The following GSE1 variants were observed in gnomAD, a reference collection of about 807,000 sequenced individuals.
GSE1 encodes the protein genetic suppressor element 1.
In GSE1, 32 loss-of-function variants were observed where a neutral mutation model predicts 112.6. The ratio of observed to expected loss-of-function variants is 0.28; its 90% CI spans 0.21 to 0.38. The LOEUF is 0.38. Ranked by LOEUF, GSE1 falls within the 10% of genes least tolerant of loss-of-function variation. The pLI, the probability that GSE1 is intolerant of heterozygous loss-of-function variation, is 1.00. For synonymous variants in GSE1, 1,115 were observed against 735.6 expected, an observed-to-expected ratio of 1.52 and a Z score of -8.35; for missense variants, 2,348 against 1,699.2, an observed-to-expected ratio of 1.38 and a Z score of -6.71.
intron 1 of GSE1, among the ~76,000 whole-genome samples, chr16:85,276,586 G>C (rs1489306176): frequency 6.6e-6 from 1 of 152,234 alleles, no homozygotes; most frequent in Non-Finnish European, 1.5e-5. Flanking sequence ...AAAGGGCCCG[G>C]GTTCGGGGTG....
At chr16:85,478,941 CTTTCT>C (rs2050582472) in intron 2 of GSE1, among the ~76,000 whole-genome samples, 1 of 104,222 alleles carries the variant, frequency 9.6e-6, no homozygotes, top group Admixed American at 1.1e-4. Flanking sequence ...TTCTTTCTTT[CTTTCT>C]TTTTTTTTCT....
At chr16:85,509,159 C>T (rs572407838) in intron 2 of GSE1, among the ~76,000 whole-genome samples, 2 of 152,306 alleles carry the variant, frequency 1.3e-5, no homozygotes, top group South Asian at 2.1e-4. Context: ...TATCGTGTGA[C>T]GGAGAAAGTG....
chr16:85,296,104 G>C (rs2045358821), intron 1 of GSE1, among the ~76,000 whole-genome samples: 1 of 152,162 alleles, frequency 6.6e-6, no homozygotes. Context: ...GATGAAAGCT[G>C]TTTCAAGGCT....
intron 1 of GSE1, among the ~76,000 whole-genome samples, chr16:85,279,364 C>G (rs764120233): frequency 1.3e-5 from 2 of 152,310 alleles, no homozygotes; most frequent in South Asian, 4.2e-4. Flanking sequence ...TCCCAGTACT[C>G]TGGGAGGCCA....
intron 1 of GSE1, among the ~76,000 whole-genome samples, chr16:85,600,574 C>G (rs1222922006): frequency 6.6e-6 from 1 of 150,754 alleles, no homozygotes; most frequent in East Asian, 2.0e-4. Flanking sequence ...CACACACACA[C>G]ACACACACCC....
At chr16:85,304,609 T>TGGGGGGGGGGGGG (rs34644508) in intron 1 of GSE1, among the ~76,000 whole-genome samples, 3 of 110,940 alleles carry the variant, frequency 2.7e-5, no homozygotes, top group Non-Finnish European at 5.5e-5. Context: ...GGCGGGGGGG[T>TGGGGGGGGGGGGG]GGGGCATCCC....
intron 1 of GSE1, among the ~76,000 whole-genome samples, chr16:85,632,723 G>T (rs1183821398): frequency 6.6e-6 from 1 of 152,150 alleles, no homozygotes. Flanking sequence ...CCCCTCTTGT[G>T]TGTTGCCCCC....
At chr16:85,215,002 C>G (rs985371863) in intron 1 of GSE1, among the ~76,000 whole-genome samples, 2 of 152,198 alleles carry the variant, frequency 1.3e-5, no homozygotes, top group Non-Finnish European at 2.9e-5. Context: ...ATGCCAGGCG[C>G]AAGGCCCAGC....
intron 1 of GSE1, among the ~76,000 whole-genome samples, chr16:85,343,158 C>T (rs1000048619): frequency 5.3e-5 from 8 of 152,116 alleles, no homozygotes; most frequent in South Asian, 2.1e-4. Flanking sequence ...CACTACGGCA[C>T]GCTCCTCAGC....
At position 85,674,907 on chromosome 16, in the gene GSE1, T is replaced by A. The variant is rs1435192684; in HGVS notation, c.*2368T>A. On this transcript the variant is annotated 3_prime_UTR_variant, in exon 16 of 16. Coordinates refer to ENST00000253458, the MANE Select transcript of GSE1 (RefSeq NM_014615.5). ...CACCTACTTGTGGCGATCTGAGTAC[T>A]CTACTCTTGCTCAAGAAGTAATACG... The A allele has an allele frequency of 1.3e-5, 2 of 152,648 alleles. No individual in the cohort carries two copies. Among genetic ancestry groups the A allele is most frequent in the Non-Finnish European group, 2.9e-5 (2 of 68,042 alleles). 9.5% of individuals were successfully genotyped at this position (152,648 alleles called of 1,614,324 possible).
intron 2 of GSE1, among the ~76,000 whole-genome samples, chr16:85,547,853 TG>T (rs1322627322): frequency 5.8e-5 from 8 of 138,280 alleles, no homozygotes; most frequent in East Asian, 2.1e-4. Flanking sequence ...CACTCCAGCC[TG>T]GGTGACAGAA....
At chr16:85,171,720 G>C in exon 1 of GSE1, 3 of 985,664 alleles carry the variant, frequency 3.0e-6, no homozygotes, top group Non-Finnish European at 3.6e-6. Context: ...GTGCTTGCGT[G>C]GAGTGTGGGA....
rs748556133 is a variant in GSE1, at chr16:85,673,423, TTTTG to T, written c.*892_*895del. 5 of 152,390 alleles carry T rather than the reference TTTTG, an allele frequency of 3.3e-5. No individual in the cohort carries two copies. Among genetic ancestry groups the T allele is most frequent in the Admixed American group, 2.0e-4 (3 of 15,260 alleles). The allele number at this position is 152,390 out of a possible 1,614,324, so 9.4% of individuals were successfully genotyped here. Reference sequence around the variant, plus strand: ...ATTTTTAATATGTGGTTTGGGGGATTTTTGTTTGTTTTTCCTGTTTGGGGGTTTT... The same window carrying T: ...ATTTTTAATATGTGGTTTGGGGGATTTTTGTTTTTCCTGTTTGGGGGTTTT... On this transcript the variant is annotated 3_prime_UTR_variant, in exon 16 of 16. Transcript: ENST00000253458.
intron 8 of GSE1, among the ~76,000 whole-genome samples, chr16:85,660,107 C>T (rs142840249): frequency 1.3e-5 from 2 of 152,228 alleles, no homozygotes; most frequent in African/African-American, 4.8e-5. Flanking sequence ...TCATGTGTCC[C>T]TACAAGGCAC....
chr16:85,429,253 A>G (rs2049063503), intron 2 of GSE1, among the ~76,000 whole-genome samples: 1 of 152,192 alleles, frequency 6.6e-6, no homozygotes, highest in Non-Finnish European at 1.5e-5. Flanking sequence ...ATGCCCGGCA[A>G]TGCCAGGTGC....
intron 2 of GSE1, among the ~76,000 whole-genome samples, chr16:85,542,444 C>A (rs762659388): frequency 1.3e-5 from 2 of 152,254 alleles, no homozygotes; most frequent in Non-Finnish European, 2.9e-5. Context: ...TGCTGGGACC[C>A]AGCATCCTCT....
Position 85,663,039 on chromosome 16 carries a change from C to G in GSE1, c.2319C>G (p.Ala773=). Residue 773 remains alanine, a synonymous_variant, in exon 10 of 16, where the codon GCC becomes GCG. Coordinates refer to ENST00000253458, the MANE Select transcript of GSE1 (RefSeq NM_014615.5). ...YDESDEEEVR[A]HLRCVAEQPP... ...AGAGCGATGAGGAGGAGGTCAGGGC[C>G]CACCTCCGTTGCGTGGCCGAGCAGC... is the stretch of plus-strand genomic sequence containing the variant. 1 of 1,613,298 alleles carries G rather than the reference C, an allele frequency of 6.2e-7. No homozygotes were observed. The highest frequency in any genetic ancestry group is 8.5e-7 in the Non-Finnish European group (1 of 1,179,828).
In GSE1 at chr16:85,246,509, C is replaced by T. The variant is rs994328303; in HGVS notation, c.2283+74702C>T. The stretch of plus-strand genomic sequence containing the variant: ...CACACACACTCTACACACCCCCCCC[C>T]CCCCGACGCTGTCTGCAGGAGATGT... On this transcript the variant is annotated intron_variant, in intron 1 of 2. Coordinates refer to the GSE1 transcript ENST00000637419. Among the ~76,000 whole-genome samples the T allele has an allele frequency of 6.9e-5, 7 of 102,072 alleles. 1 individual carries two copies. The highest frequency in any genetic ancestry group is 2.3e-4 in the African/African-American group (7 of 30,732). The allele number at this position is 102,072 out of a possible 152,430, so 67.0% of individuals were successfully genotyped here. A position where few individuals can be genotyped will look rare whatever the true frequency, so the allele number is the denominator to read the frequency against.
At chr16:85,567,811 C>T (rs1298024084) in intron 1 of GSE1, among the ~76,000 whole-genome samples, 1 of 152,216 alleles carries the variant, frequency 6.6e-6, no homozygotes, top group Non-Finnish European at 1.5e-5. Context: ...CAGCCTCTAC[C>T]TCTTGGGCTC....
Sources: gnomAD v4.1 joint callset for allele counts (sites outside exome capture counted in the v4.1 genomes callset) on GRCh38, gnomAD v4.1.1 for gene constraint, MANE v1.5 for transcripts, NCBI Gene and HGNC (gene_info 2026-07-23, HGNC 2026-07-21) for gene names.